Variants in CHSY1 observed in about 807,000 individuals in gnomAD.
CHSY1 encodes N-acetylgalactosaminyl-proteoglycan 3-beta-glucuronosyltransferase 1.
In CHSY1, 13 loss-of-function variants were observed where a neutral mutation model predicts 59.8. That is an observed-to-expected ratio of 0.22 (90% CI 0.14 to 0.35). CHSY1 has a LOEUF of 0.35. Among genes scored for constraint, CHSY1 ranks in the 10% least tolerant of loss-of-function variants. The pLI, the probability that CHSY1 is intolerant of heterozygous loss-of-function variation, is 1.00. For missense variants in CHSY1, 947 were observed against 1,030.6 expected, an observed-to-expected ratio of 0.92 and a Z score of 1.11; for synonymous variants, 459 against 401.2, an observed-to-expected ratio of 1.14 and a Z score of -1.72.
At chr15:101,249,173 C>A (rs186563555) in intron 1 of CHSY1, among the ~76,000 whole-genome samples, 2 of 151,988 alleles carry the variant, frequency 1.3e-5, no homozygotes, top group Non-Finnish European at 2.9e-5. Context: ...ATACCGTAAC[C>A]ATGAAAATGT....
At chr15:101,219,187 C>A (rs2038764531) in intron 2 of CHSY1, among the ~76,000 whole-genome samples, 2 of 152,106 alleles carry the variant, frequency 1.3e-5, no homozygotes, top group African/African-American at 4.8e-5. Flanking sequence ...CATCCACCCC[C>A]AAAAAAATCT....
chr15:101,208,931 A>G (rs2038656249), intron 2 of CHSY1, among the ~76,000 whole-genome samples: 1 of 152,258 alleles, frequency 6.6e-6, no homozygotes, highest in African/African-American at 2.4e-5. Flanking sequence ...AGTAGAAAGA[A>G]TAACTGGATT....
At chr15:101,217,739 C>G (rs1425187881) in intron 2 of CHSY1, among the ~76,000 whole-genome samples, 1 of 152,138 alleles carries the variant, frequency 6.6e-6, no homozygotes, top group African/African-American at 2.4e-5. Flanking sequence ...ATTGACATAA[C>G]TGAACAAATA....
intron 1 of CHSY1, among the ~76,000 whole-genome samples, chr15:101,239,865 A>T (rs2038985558): frequency 6.6e-6 from 1 of 152,202 alleles, no homozygotes; most frequent in South Asian, 2.1e-4. Flanking sequence ...AAGCTTCATT[A>T]TAGTTTGGCC....
At chr15:101,218,784 G>C (rs2038760280) in intron 2 of CHSY1, among the ~76,000 whole-genome samples, 1 of 152,136 alleles carries the variant, frequency 6.6e-6, no homozygotes, top group Admixed American at 6.5e-5. Context: ...AGGCCCAACA[G>C]CTGTCACTTG....
At chr15:101,222,814 C>T (rs982873565) in intron 2 of CHSY1, among the ~76,000 whole-genome samples, 7 of 152,108 alleles carry the variant, frequency 4.6e-5, no homozygotes, top group Non-Finnish European at 1.0e-4. Flanking sequence ...ACAAATGTGA[C>T]CCACTCCTGT....
intron 2 of CHSY1, among the ~76,000 whole-genome samples, chr15:101,213,455 CAAAT>C (rs1303186117): frequency 1.3e-5 from 2 of 152,008 alleles, no homozygotes; most frequent in Admixed American, 6.6e-5. Context: ...CAATGGAAAA[CAAAT>C]AATAAGTACG....
At chr15:101,245,723 G>A (rs998006511) in intron 1 of CHSY1, among the ~76,000 whole-genome samples, 29 of 152,152 alleles carry the variant, frequency 1.9e-4, no homozygotes, top group African/African-American at 7.0e-4. Context: ...TTGTTTGAGC[G>A]CTTCAAGATC....
rs7182933 is a variant in CHSY1 at position 101,185,927 on chromosome 15, A to G, written c.817-6947T>C. Among the ~76,000 whole-genome samples, 977 of 151,818 alleles carry G rather than the reference A, an allele frequency of 6.4e-3. 9 individuals carry two copies. Among genetic ancestry groups the G allele is most frequent in the African/African-American group, 0.02 (830 of 41,394 alleles). ...CAACCATCTCCCTGCTTTCCCTCAT[A>G]TTATGGGCTACGTCACTGCTCACCA... is the stretch of plus-strand genomic sequence containing the variant. On this transcript the variant is annotated intron_variant, in intron 2 of 2. Coordinates refer to ENST00000254190, the MANE Select transcript of CHSY1 (RefSeq NM_014918.5).
chr15:101,244,406 G>T (rs117971518), intron 1 of CHSY1, among the ~76,000 whole-genome samples: 1 of 152,340 alleles, frequency 6.6e-6, no homozygotes, highest in East Asian at 1.9e-4. Flanking sequence ...AGAATTAATG[G>T]TAACTGACTG....
chr15:101,195,706 T>C (rs2038497316), intron 2 of CHSY1, among the ~76,000 whole-genome samples: 1 of 151,510 alleles, frequency 6.6e-6, no homozygotes, highest in African/African-American at 2.4e-5. Context: ...GTGCCTGTAG[T>C]CCTAGCTACT....
intron 2 of CHSY1, among the ~76,000 whole-genome samples, chr15:101,208,473 G>A (rs1343797064): frequency 6.6e-6 from 1 of 152,168 alleles, no homozygotes; most frequent in South Asian, 2.1e-4. Context: ...AGCACTTTGG[G>A]AACCCAAGGC....
chr15:101,236,421 T>C (rs1223683547), intron 1 of CHSY1, among the ~76,000 whole-genome samples: 1 of 152,234 alleles, frequency 6.6e-6, no homozygotes, highest in Non-Finnish European at 1.5e-5. Context: ...TTTCCCTTTT[T>C]GCTTGGCTCT....
chr15:101,235,690 A>C (rs1567106489), intron 1 of CHSY1, 113 bp from the exon 2 acceptor site: 4 of 1,218,384 alleles, frequency 3.3e-6, no homozygotes, highest in Non-Finnish European at 4.7e-6. Context: ...ATAAAAAGCT[A>C]CTTGGCCTGC....
intron 2 of CHSY1, among the ~76,000 whole-genome samples, chr15:101,213,070 C>A (rs899452466): frequency 2.6e-5 from 4 of 151,930 alleles, no homozygotes; most frequent in African/African-American, 9.7e-5. Context: ...TAAAGGAAAT[C>A]TGAAAGAGTT....
intron 2 of CHSY1, among the ~76,000 whole-genome samples, chr15:101,230,420 T>G (rs770143937): frequency 6.6e-6 from 1 of 152,204 alleles, no homozygotes; most frequent in Non-Finnish European, 1.5e-5. Context: ...TATTTCTTTG[T>G]GGAGAGAACA....
intron 2 of CHSY1, among the ~76,000 whole-genome samples, chr15:101,225,234 A>AT (rs34639241): frequency 0.11 from 16,485 of 144,726 alleles, 1,074 homozygotes; most frequent in Middle Eastern, 0.2. Flanking sequence ...TACCCAGCTG[A>AT]TTTTTTTTTT....
chr15:101,188,259 TC>T, intron 2 of CHSY1: 1 of 899,404 alleles, frequency 1.1e-6, no homozygotes, highest in Admixed American at 6.2e-5. Context: ...TGTCTAAATG[TC>T]AAGAGACCGT....
chr15:101,241,664 T>C (rs2039002711), intron 1 of CHSY1, among the ~76,000 whole-genome samples: 1 of 152,162 alleles, frequency 6.6e-6, no homozygotes, highest in Non-Finnish European at 1.5e-5. Flanking sequence ...GGTGGGGAGA[T>C]TTTCTGTGAG....
Sources: gnomAD v4.1 joint callset for allele counts (sites outside exome capture counted in the v4.1 genomes callset) on GRCh38, gnomAD v4.1.1 for gene constraint, MANE v1.5 for transcripts, NCBI Gene and HGNC (gene_info 2026-07-23, HGNC 2026-07-21) for gene names.